The following WASF1 variants were observed in gnomAD, a reference collection of about 807,000 sequenced individuals.
The protein encoded by WASF1 is WASP family member 1, also known as actin-binding protein WASF1.
A neutral mutation model predicts 50.5 loss-of-function variants in WASF1; 7 were observed. The observed-to-expected ratio is 0.14, with a 90% CI of 0.08 to 0.26. The LOEUF (loss-of-function observed/expected upper bound fraction) is 0.26. Ranked by LOEUF, WASF1 falls within the 10% of genes least tolerant of loss-of-function variation. The pLI, the probability that WASF1 is intolerant of heterozygous loss-of-function variation, is 1.00. For missense variants in WASF1, 470 were observed against 694.7 expected (o/e 0.68, Z 3.64); for synonymous variants, 205 against 244.0 (o/e 0.84, Z 1.49).
chr6:110,140,214 A>G (rs1161692844), intron 3 of WASF1, among the ~76,000 whole-genome samples: 2 of 152,344 alleles, frequency 1.3e-5, no homozygotes, highest in South Asian at 2.1e-4. Context: ...CTAAACACTC[A>G]TAAGGATGGG....
intron 3 of WASF1, among the ~76,000 whole-genome samples, chr6:110,129,489 G>T (rs964815061): frequency 1.3e-5 from 2 of 152,104 alleles, no homozygotes; most frequent in African/African-American, 4.8e-5. Flanking sequence ...ATGTGGTTGT[G>T]ACAAAAAGAA....
intron 2 of WASF1, among the ~76,000 whole-genome samples, chr6:110,163,172 T>C (rs865913412): frequency 2.6e-5 from 4 of 151,562 alleles, no homozygotes; most frequent in South Asian, 2.1e-4. Context: ...CTCATAAAAT[T>C]TGTACAAAAT....
chr6:110,162,684 T>C (rs1776308679), intron 2 of WASF1, among the ~76,000 whole-genome samples: 1 of 151,482 alleles, frequency 6.6e-6, no homozygotes, highest in Admixed American at 6.6e-5. Flanking sequence ...CAAAAGATAC[T>C]GGAAAAGCAT....
At chr6:110,152,238 G>A (rs1015644359) in intron 3 of WASF1, among the ~76,000 whole-genome samples, 2 of 152,066 alleles carry the variant, frequency 1.3e-5, no homozygotes, top group Admixed American at 6.6e-5. Context: ...AGGGAGATGT[G>A]GCAGCTACTG....
In WASF1 at chr6:110,170,752, A is replaced by C. The variant is rs183234501; in HGVS notation, c.-127+7846T>G. 1.3e-3 allele frequency among the ~76,000 whole-genome samples: 195 copies of C among 152,282 alleles called. 1 individual carries two copies. Among genetic ancestry groups the C allele is most frequent in the African/African-American group, 4.6e-3 (192 of 41,574 alleles). ...ATAGATTAAAAGTAAAGAAATGGAG[A>C]AAGATATACCATGCTAACACGAGTC... On this transcript the variant is annotated intron_variant, in intron 2 of 10. Coordinates refer to ENST00000392589, the MANE Select transcript of WASF1 (RefSeq NM_003931.3).
chr6:110,125,557 T>C (rs537891164), intron 4 of WASF1, among the ~76,000 whole-genome samples: 1 of 152,296 alleles, frequency 6.6e-6, no homozygotes, highest in South Asian at 2.1e-4. Flanking sequence ...ATGTGCATGG[T>C]CTTTAGTGCA....
chr6:110,112,000 A>T (rs562116080), intron 5 of WASF1, among the ~76,000 whole-genome samples: 9 of 151,518 alleles, frequency 5.9e-5, no homozygotes, highest in Non-Finnish European at 1.0e-4. Context: ...TCTTGTATCC[A>T]GAGCTCTGAG....
chr6:110,160,888 G>A (rs1776234757), intron 2 of WASF1, among the ~76,000 whole-genome samples, 156 bp from the exon 3 acceptor site: 1 of 151,374 alleles, frequency 6.6e-6, no homozygotes. Flanking sequence ...ATTATAATAG[G>A]AAATGAGAGG....
At chr6:110,137,063 G>A (rs1330686361) in intron 3 of WASF1, among the ~76,000 whole-genome samples, 1 of 152,092 alleles carries the variant, frequency 6.6e-6, no homozygotes, top group Non-Finnish European at 1.5e-5. Context: ...TTGGTGCCTG[G>A]TACATGCTTG....
chr6:110,154,470 A>G (rs1775967380), intron 3 of WASF1, among the ~76,000 whole-genome samples: 1 of 152,090 alleles, frequency 6.6e-6, no homozygotes, highest in Non-Finnish European at 1.5e-5. Context: ...ATTGCGTATT[A>G]TAAAAAAGTA....
chr6:110,165,784 AG>A lies in WASF1; in HGVS notation c.-126-5053del, dbSNP rs564433306. Among the ~76,000 whole-genome samples, 25 of 151,876 alleles carry A rather than the reference AG, an allele frequency of 1.6e-4. No individual in the cohort carries two copies. The East Asian group carries it at 4.1e-3, about 25-fold the overall frequency. On this transcript the variant is annotated intron_variant, in intron 2 of 10. Coordinates refer to ENST00000392589, the MANE Select transcript of WASF1 (RefSeq NM_003931.3). ...CATCAACATCACCTAGGAACTTGTA[AG>A]AACTGCATATTTTGGTATCACCCCT...
intron 4 of WASF1, among the ~76,000 whole-genome samples, chr6:110,121,580 T>C (rs755817683): frequency 4.6e-5 from 7 of 152,214 alleles, no homozygotes; most frequent in South Asian, 2.1e-4. Context: ...TTTTACACTA[T>C]TGGTGAGAGT....
At chr6:110,167,080 A>G (rs1776508153) in intron 2 of WASF1, among the ~76,000 whole-genome samples, 1 of 151,868 alleles carries the variant, frequency 6.6e-6, no homozygotes, top group Non-Finnish European at 1.5e-5. Context: ...TGTAGCCATC[A>G]TGCAGTGTTA....
intron 10 of WASF1, 87 bp downstream of exon 10, chr6:110,101,501 T>C (rs950926853): frequency 4.0e-6 from 6 of 1,496,080 alleles, no homozygotes; most frequent in African/African-American, 1.4e-5. Context: ...TAAAATTTTA[T>C]AGATAAGGAA....
chr6:110,144,575 T>C (rs1775444218), intron 3 of WASF1, among the ~76,000 whole-genome samples: 1 of 152,204 alleles, frequency 6.6e-6, no homozygotes, highest in Non-Finnish European at 1.5e-5. Flanking sequence ...TAGGTTTTCT[T>C]CTAGGGTTTT....
intron 3 of WASF1, among the ~76,000 whole-genome samples, chr6:110,147,445 C>T (rs1775624731): frequency 1.3e-5 from 2 of 151,316 alleles, no homozygotes; most frequent in Admixed American, 1.3e-4. Flanking sequence ...GCTAAGCAAA[C>T]TAAAGCAAAA....
chr6:110,104,597 C>T (rs1254193069), intron 8 of WASF1, among the ~76,000 whole-genome samples: 5 of 151,954 alleles, frequency 3.3e-5, no homozygotes, highest in Admixed American at 2.6e-4. Context: ...AAGATCAGCC[C>T]GGCCAACATG....
intron 3 of WASF1, among the ~76,000 whole-genome samples, chr6:110,143,299 AAAC>A (rs1775345773): frequency 1.3e-5 from 2 of 152,020 alleles, no homozygotes; most frequent in African/African-American, 4.8e-5. Context: ...AAGGAAAATG[AAAC>A]TACTGAAATC....
rs757504413 is a variant in WASF1, at chr6:110,102,189, G to T, written c.921C>A (p.Arg307=). 2.4e-5 allele frequency: 34 copies of T among 1,409,868 alleles called. No individual in the cohort carries two copies. Among genetic ancestry groups the T allele is most frequent in the Non-Finnish European group, 2.9e-5 (31 of 1,078,178 alleles). 87.3% of individuals were successfully genotyped at this position (1,409,868 alleles called of 1,614,324 possible). A position where few individuals can be genotyped will look rare whatever the true frequency, so the allele number is the denominator to read the frequency against. ...ISSATGLIEN[R]PQSPATGRTP... ...TTCTGCCTGTAGCTGGTGACTGAGG[G>T]CGATTTTCTATCAAACCTGTAGCAG... is the stretch of plus-strand genomic sequence containing the variant. The change falls in exon 10 of 11, where the codon CGC becomes CGA. Residue 307 remains arginine, a synonymous_variant. Transcript: ENST00000392589.
Sources: allele counts gnomAD v4.1 joint callset (sites outside exome capture counted in the v4.1 genomes callset), GRCh38; gene constraint gnomAD v4.1.1; transcripts MANE v1.5; gene names NCBI Gene and HGNC (gene_info 2026-07-23, HGNC 2026-07-21).